The following TMEM131L variants were observed in gnomAD, a reference collection of about 807,000 sequenced individuals.
TMEM131L encodes the protein transmembrane protein 131-like.
Under a neutral mutation model 192.2 loss-of-function variants are expected in TMEM131L, and 54 were observed. The observed-to-expected ratio is 0.28, with a 90% CI of 0.23 to 0.35. TMEM131L has a LOEUF of 0.35. Among genes scored for constraint, TMEM131L ranks in the 10% least tolerant of loss-of-function variants. TMEM131L has a pLI of 1.00. For synonymous variants in TMEM131L, 701 were observed against 704.9 expected, an observed-to-expected ratio of 0.99 and a Z score of 0.09; for missense variants, 1,888 against 1,972.9, an observed-to-expected ratio of 0.96 and a Z score of 0.82.
intron 3 of TMEM131L, among the ~76,000 whole-genome samples, chr4:153,511,414 T>G (rs1734347402): frequency 6.6e-6 from 1 of 152,062 alleles, no homozygotes; most frequent in African/African-American, 2.4e-5. Context: ...CACTTGTAAG[T>G]GGGAGCTGAA....
chr4:153,490,813 G>T (rs1392807427), intron 3 of TMEM131L, among the ~76,000 whole-genome samples: 2 of 151,930 alleles, frequency 1.3e-5, no homozygotes, highest in Non-Finnish European at 2.9e-5. Context: ...TATTAGCCAG[G>T]TCTGGTGACA....
chr4:153,569,469 A>T (rs1729437730), intron 7 of TMEM131L, among the ~76,000 whole-genome samples: 1 of 152,336 alleles, frequency 6.6e-6, no homozygotes, highest in East Asian at 1.9e-4. Context: ...TCCCCATCCC[A>T]AATTCTTTTC....
chr4:153,469,176 C>T (rs563752091), intron 2 of TMEM131L, among the ~76,000 whole-genome samples: 33 of 152,300 alleles, frequency 2.2e-4, no homozygotes, highest in Non-Finnish European at 4.6e-4. Context: ...GGATTTATAG[C>T]TAAGCTATTT....
At chr4:153,532,655 CTTT>C (rs1157112902) in intron 3 of TMEM131L, among the ~76,000 whole-genome samples, 1 of 147,494 alleles carries the variant, frequency 6.8e-6, no homozygotes, top group Non-Finnish European at 1.5e-5. Flanking sequence ...GACACTTTTT[CTTT>C]TTTTTTTAAG....
intron 3 of TMEM131L, among the ~76,000 whole-genome samples, chr4:153,543,590 A>T (rs768453336): frequency 1.1e-4 from 17 of 152,008 alleles, no homozygotes; most frequent in Admixed American, 1.3e-4. Flanking sequence ...CGGTATAGAC[A>T]CCCCCCAGGC....
intron 7 of TMEM131L, among the ~76,000 whole-genome samples, chr4:153,575,904 C>T (rs1419615299): frequency 6.6e-6 from 1 of 151,902 alleles, no homozygotes; most frequent in Non-Finnish European, 1.5e-5. Flanking sequence ...TGGTTGCCCC[C>T]TGGCTAACAT....
At chr4:153,619,310 C>G (rs1733222195) in intron 26 of TMEM131L, among the ~76,000 whole-genome samples, 1 of 152,166 alleles carries the variant, frequency 6.6e-6, no homozygotes, top group African/African-American at 2.4e-5. Context: ...ACCTCCCCAC[C>G]AAGTTAGAAA....
rs569767142 is a variant in TMEM131L, at chr4:153,601,590, G to A, written c.2267-562G>A. ...AGTCCTTATGTGGGATAGATTGTGT[G>A]TTATAAATTCACAAGGATATTTAAA... On this transcript the variant is annotated intron_variant, in intron 21 of 34. Coordinates refer to ENST00000409959, the MANE Select transcript of TMEM131L (RefSeq NM_001131007.2). 3.5e-4 allele frequency among the ~76,000 whole-genome samples: 54 copies of A among 152,324 alleles called. No individual in the cohort carries two copies. In the Middle Eastern group the frequency reaches 0.01, roughly 29 times the overall value.
In TMEM131L at chr4:153,604,435, T is replaced by C; in HGVS notation, c.3418+5T>C. On this transcript the variant is annotated splice_donor_5th_base_variant and intron_variant, in intron 25 of 34. Coordinates refer to ENST00000409959, the MANE Select transcript of TMEM131L (RefSeq NM_001131007.2). ...AAATTTCCAGGAAAAATAATGGTAA[T>C]CTTTTCATCCCCTTTGATAATTCTC... 6.3e-7 allele frequency: 1 copy of C among 1,595,446 alleles called. No homozygotes were observed. Among genetic ancestry groups the C allele is most frequent in the East Asian group, 2.2e-5 (1 of 44,712 alleles).
chr4:153,490,972 AAAG>A (rs1242680769), intron 3 of TMEM131L, among the ~76,000 whole-genome samples: 2 of 150,938 alleles, frequency 1.3e-5, no homozygotes, highest in African/African-American at 2.4e-5. Context: ...AAAAAAAAAA[AAAG>A]AAAGCCTAAA....
intron 3 of TMEM131L, among the ~76,000 whole-genome samples, chr4:153,541,172 G>T (rs1160044445): frequency 6.6e-6 from 1 of 152,198 alleles, no homozygotes; most frequent in Non-Finnish European, 1.5e-5. Context: ...TTGGAGTAAG[G>T]AGAAAGTTGG....
At chr4:153,604,689 A>G (rs549425984) in intron 25 of TMEM131L, among the ~76,000 whole-genome samples, 1 of 152,078 alleles carries the variant, frequency 6.6e-6, no homozygotes, top group Non-Finnish European at 1.5e-5. Flanking sequence ...ATGGACATGG[A>G]CACCTTTTTC....
Position 153,466,533 on chromosome 4 carries a change from G to C in TMEM131L, c.124+12G>C. 7.5e-7 allele frequency: 1 copy of C among 1,333,464 alleles called. No homozygotes were observed. The highest frequency in any genetic ancestry group is 9.6e-7 in the Non-Finnish European group (1 of 1,036,468). The allele number at this position is 1,333,464 out of a possible 1,614,324, so 82.6% of individuals were successfully genotyped here. A position where few individuals can be genotyped will look rare whatever the true frequency, so the allele number is the denominator to read the frequency against. On this transcript the variant is annotated intron_variant, in intron 1 of 34. Coordinates refer to ENST00000409959, the MANE Select transcript of TMEM131L (RefSeq NM_001131007.2). ...GGCTCAGGGACAAGGTCAGCCTTGCGCCGCTGGGCTCGCTCTGCCTCTCCA... is the reference window on the plus strand; with the variant it reads ...GGCTCAGGGACAAGGTCAGCCTTGCCCCGCTGGGCTCGCTCTGCCTCTCCA...
chr4:153,572,280 T>C (rs558352742), intron 7 of TMEM131L, among the ~76,000 whole-genome samples: 1 of 152,320 alleles, frequency 6.6e-6, no homozygotes, highest in South Asian at 2.1e-4. Flanking sequence ...TCTGTCTGTC[T>C]AGCTGTAACT....
At chr4:153,527,428 A>G (rs1561160510) in intron 3 of TMEM131L, among the ~76,000 whole-genome samples, 2 of 152,056 alleles carry the variant, frequency 1.3e-5, no homozygotes, top group Non-Finnish European at 2.9e-5. Flanking sequence ...GTGCACCACC[A>G]TGCCCGGCTA....
chr4:153,553,584 G>A (rs983475730), intron 4 of TMEM131L, among the ~76,000 whole-genome samples: 9 of 151,974 alleles, frequency 5.9e-5, no homozygotes, highest in African/African-American at 1.7e-4. Flanking sequence ...TTAGCCTGAG[G>A]GTTCTCCTCC....
At chr4:153,469,799 G>C (rs952879605) in intron 2 of TMEM131L, among the ~76,000 whole-genome samples, 1 of 152,112 alleles carries the variant, frequency 6.6e-6, no homozygotes, top group African/African-American at 2.4e-5. Context: ...GGTGGTGCAG[G>C]CCTGTAATCC....
intron 7 of TMEM131L, among the ~76,000 whole-genome samples, chr4:153,565,922 G>A (rs927015371): frequency 6.6e-6 from 1 of 152,160 alleles, no homozygotes; most frequent in Non-Finnish European, 1.5e-5. Flanking sequence ...CTCCAGTAAT[G>A]TATTGGATTC....
intron 3 of TMEM131L, among the ~76,000 whole-genome samples, chr4:153,511,489 G>A (rs776508848): frequency 1.3e-5 from 2 of 152,150 alleles, no homozygotes; most frequent in Non-Finnish European, 2.9e-5. Flanking sequence ...TGGAGGGTGC[G>A]AGGAGGGAGA....
Sources: gnomAD v4.1 joint callset for allele counts (sites outside exome capture counted in the v4.1 genomes callset) on GRCh38, gnomAD v4.1.1 for gene constraint, MANE v1.5 for transcripts, NCBI Gene and HGNC (gene_info 2026-07-23, HGNC 2026-07-21) for gene names.